Variants in DOCK3 observed in about 807,000 individuals in gnomAD.
DOCK3 encodes the protein dedicator of cytokinesis protein 3.
In DOCK3, 60 loss-of-function variants were observed where a neutral mutation model predicts 265.6. The ratio of observed to expected loss-of-function variants is 0.23; its 90% CI spans 0.18 to 0.28. DOCK3 has a LOEUF of 0.28. Ranked by LOEUF, DOCK3 falls within the 10% of genes least tolerant of loss-of-function variation. The pLI, the probability that DOCK3 is intolerant of heterozygous loss-of-function variation, is 1.00. For synonymous variants in DOCK3, 881 were observed against 938.0 expected (o/e 0.94, Z 1.11); for missense variants, 1,981 against 2,594.3 (o/e 0.76, Z 5.14).
intron 19 of DOCK3, among the ~76,000 whole-genome samples, chr3:51,231,706 G>A (rs886501168): frequency 6.6e-6 from 1 of 152,082 alleles, no homozygotes; most frequent in Non-Finnish European, 1.5e-5. Flanking sequence ...CATTCTGTAG[G>A]TTGTCTGTTT....
At chr3:51,263,971 G>T (rs1265898230) in intron 23 of DOCK3, among the ~76,000 whole-genome samples, 2 of 152,158 alleles carry the variant, frequency 1.3e-5, no homozygotes, top group African/African-American at 4.8e-5. Flanking sequence ...AATAGTGGGA[G>T]ACTTTAACAT....
At chr3:51,234,407 C>A (rs2078267557) in intron 19 of DOCK3, among the ~76,000 whole-genome samples, 2 of 152,116 alleles carry the variant, frequency 1.3e-5, no homozygotes, top group South Asian at 2.1e-4. Flanking sequence ...ATCAGAGATA[C>A]ATGGTTTGGA....
At chr3:51,272,239 A>G (rs2080541080) in intron 24 of DOCK3, among the ~76,000 whole-genome samples, 1 of 151,888 alleles carries the variant, frequency 6.6e-6, no homozygotes, top group African/African-American at 2.4e-5. Flanking sequence ...AACAATTATT[A>G]GAATTTTTAT....
rs2076548708 is a variant in DOCK3 at position 50,950,101 on chromosome 3, A to G, written c.315+16024A>G. 2.7e-5 allele frequency among the ~76,000 whole-genome samples: 4 copies of G among 146,938 alleles called. No individual in the cohort carries two copies. In the Admixed American group the frequency reaches 2.9e-4, roughly 11 times the overall value. ...TACACTTTTCATTGCTGGAAATTCTATTTGGTTATTTTTCAAGTTTGTGTG... is the reference window on the plus strand; with the variant it reads ...TACACTTTTCATTGCTGGAAATTCTGTTTGGTTATTTTTCAAGTTTGTGTG... On this transcript the variant is annotated intron_variant, in intron 5 of 52. Coordinates refer to ENST00000266037, the MANE Select transcript of DOCK3 (RefSeq NM_004947.5).
chr3:50,926,529 T>C (rs1484984352), intron 4 of DOCK3, among the ~76,000 whole-genome samples: 1 of 152,236 alleles, frequency 6.6e-6, no homozygotes, highest in Non-Finnish European at 1.5e-5. Flanking sequence ...GCATATTTTA[T>C]TTATAAGTGT....
At chr3:50,817,776 T>C (rs1024233350) in intron 2 of DOCK3, among the ~76,000 whole-genome samples, 1 of 152,196 alleles carries the variant, frequency 6.6e-6, no homozygotes, top group Non-Finnish European at 1.5e-5. Context: ...TTGACTTTTG[T>C]GCTTTGTGCT....
intron 2 of DOCK3, among the ~76,000 whole-genome samples, chr3:50,794,477 A>G (rs1042160140): frequency 7.2e-5 from 11 of 152,096 alleles, no homozygotes; most frequent in African/African-American, 2.7e-4. Context: ...ATCCTTTACC[A>G]TTATGTAATG....
chr3:50,969,188 A>G (rs1474804252), intron 5 of DOCK3, among the ~76,000 whole-genome samples: 1 of 152,160 alleles, frequency 6.6e-6, no homozygotes, highest in Non-Finnish European at 1.5e-5. Flanking sequence ...TAGGATTGTT[A>G]TAACTTCTTG....
intron 5 of DOCK3, among the ~76,000 whole-genome samples, chr3:51,054,159 G>C (rs1480306103): frequency 1.4e-5 from 2 of 145,362 alleles, no homozygotes; most frequent in East Asian, 2.0e-4. Flanking sequence ...GTTTGTGGGA[G>C]AATTTTTATT....
intron 21 of DOCK3, among the ~76,000 whole-genome samples, chr3:51,246,205 C>A (rs968603873): frequency 6.6e-6 from 1 of 150,950 alleles, no homozygotes; most frequent in Admixed American, 6.6e-5. Flanking sequence ...AACAAAAATA[C>A]ACATCCAGTC....
At chr3:51,231,121 CTTTT>C (rs754271357) in intron 19 of DOCK3, among the ~76,000 whole-genome samples, 9 of 77,748 alleles carry the variant, frequency 1.2e-4, no homozygotes, top group African/African-American at 4.0e-4. Context: ...TATTTTTTGA[CTTTT>C]TTTTTTTTTT....
chr3:50,803,640 A>G (rs547371206), intron 2 of DOCK3, among the ~76,000 whole-genome samples: 24 of 150,908 alleles, frequency 1.6e-4, no homozygotes, highest in African/African-American at 5.4e-4. Flanking sequence ...CACCTCCCAG[A>G]CAGCGTGGCT....
chr3:51,137,750 A>C (rs1385322105), intron 9 of DOCK3, among the ~76,000 whole-genome samples: 1 of 152,236 alleles, frequency 6.6e-6, no homozygotes, highest in East Asian at 1.9e-4. Context: ...TCATCATCAT[A>C]AAAACAACTA....
chr3:50,802,876 C>T (rs2043144309), intron 2 of DOCK3, among the ~76,000 whole-genome samples: 1 of 151,960 alleles, frequency 6.6e-6, no homozygotes, highest in Non-Finnish European at 1.5e-5. Context: ...ATGTTTTCCC[C>T]ACCTTTCCCT....
chr3:50,981,928 C>A (rs981405448), intron 5 of DOCK3, among the ~76,000 whole-genome samples: 4 of 152,180 alleles, frequency 2.6e-5, no homozygotes, highest in Admixed American at 6.5e-5. Context: ...TGGCTCACTG[C>A]AACCTCTGCC....
At chr3:51,256,686 C>T (rs577734447) in intron 22 of DOCK3, among the ~76,000 whole-genome samples, 10 of 151,772 alleles carry the variant, frequency 6.6e-5, no homozygotes, top group African/African-American at 2.2e-4. Flanking sequence ...CTCCACCTCC[C>T]GTGTTCAAGC....
At position 51,228,773 on chromosome 3, in the gene DOCK3, G is replaced by A. The variant is rs2108387048; in HGVS notation, c.1760G>A (p.Ser587Asn). 6.2e-7 allele frequency: 1 copy of A among 1,613,950 alleles called. No homozygotes were observed. The highest frequency in any genetic ancestry group is 1.6e-4 in the Middle Eastern group (1 of 6,062). ...NIPSSLIFQR[S>N]TKESFFISTQ... Reference sequence around the variant, plus strand: ...CCTTCTAGCCTCATCTTCCAGCGCAGCACCAAAGAGTCTTTCTTCATCTCC... The same window carrying A: ...CCTTCTAGCCTCATCTTCCAGCGCAACACCAAAGAGTCTTTCTTCATCTCC... Residue 587 changes from serine to asparagine, a missense_variant, in exon 18 of 53, where the codon AGC (serine) becomes AAC (asparagine). Ser to Asn is a conservative substitution (Grantham distance 46). Coordinates refer to ENST00000266037, the MANE Select transcript of DOCK3 (RefSeq NM_004947.5).
chr3:51,306,288 C>T (rs892327511), intron 27 of DOCK3, among the ~76,000 whole-genome samples: 1 of 152,054 alleles, frequency 6.6e-6, no homozygotes, highest in Non-Finnish European at 1.5e-5. Context: ...GATGATGTCA[C>T]CTTTTCATAT....
chr3:51,165,100 G>A (rs905371695), intron 12 of DOCK3, among the ~76,000 whole-genome samples: 16 of 151,946 alleles, frequency 1.1e-4, no homozygotes, highest in Non-Finnish European at 1.6e-4. Flanking sequence ...TGCCACGCCC[G>A]GCTAATTTTT....
Sources: gnomAD v4.1 joint callset for allele counts (sites outside exome capture counted in the v4.1 genomes callset) on GRCh38, gnomAD v4.1.1 for gene constraint, MANE v1.5 for transcripts, NCBI Gene and HGNC (gene_info 2026-07-23, HGNC 2026-07-21) for gene names.